Variants in TMEM232 observed in about 807,000 individuals in gnomAD.
TMEM232 encodes the protein transmembrane protein 232.
TMEM232 carries 80 observed loss-of-function variants against 78.8 expected under a neutral mutation model. The ratio of observed to expected loss-of-function variants is 1.01; its 90% CI spans 0.85 to 1.22. The LOEUF (loss-of-function observed/expected upper bound fraction) is 1.22. TMEM232 is among the 50% of genes most tolerant of loss of function. The probability of loss-of-function intolerance (pLI) is 0.00; values close to 1 mark genes in which losing one functional copy is unlikely to be tolerated. For synonymous variants in TMEM232, 297 were observed against 254.3 expected, an observed-to-expected ratio of 1.17 and a Z score of -1.60; for missense variants, 881 against 742.2, an observed-to-expected ratio of 1.19 and a Z score of -2.17.
At chr5:110,448,116 G>T (rs575982037) in intron 12 of TMEM232, among the ~76,000 whole-genome samples, 2 of 152,006 alleles carry the variant, frequency 1.3e-5, no homozygotes, top group South Asian at 4.2e-4. Context: ...CAAATATTGG[G>T]ACAGAAAAAT....
At chr5:110,720,857 A>G (rs1797518032) in intron 1 of TMEM232, 1 of 152,168 alleles carries the variant, frequency 6.6e-6, no homozygotes, top group Non-Finnish European at 1.5e-5. Flanking sequence ...TGTCATTTAT[A>G]AAAGTCTTTC....
chr5:110,492,080 T>G (rs1765163020), intron 12 of TMEM232, among the ~76,000 whole-genome samples: 1 of 151,652 alleles, frequency 6.6e-6, no homozygotes, highest in South Asian at 2.1e-4. Flanking sequence ...TACAAAAACC[T>G]TGAGAGAATA....
intron 3 of TMEM232, among the ~76,000 whole-genome samples, chr5:110,397,200 C>T (rs543425586): frequency 6.6e-6 from 1 of 152,252 alleles, no homozygotes; most frequent in South Asian, 2.1e-4. Context: ...CTTAAAGCAC[C>T]TGAGTCAACT....
intron 1 of TMEM232, among the ~76,000 whole-genome samples, chr5:110,707,534 A>G (rs1286678032): frequency 6.6e-6 from 1 of 152,224 alleles, no homozygotes; most frequent in Non-Finnish European, 1.5e-5. Context: ...CCTTGGCACC[A>G]CAGGCCAAAG....
chr5:110,536,648 C>T (rs1265757584), intron 11 of TMEM232, among the ~76,000 whole-genome samples: 2 of 152,148 alleles, frequency 1.3e-5, no homozygotes, highest in Non-Finnish European at 1.5e-5. Context: ...TTCTTCTCTT[C>T]CCCTACTTGA....
At chr5:110,447,391 C>T (rs1421825087) in intron 12 of TMEM232, among the ~76,000 whole-genome samples, 1 of 152,014 alleles carries the variant, frequency 6.6e-6, no homozygotes, top group Non-Finnish European at 1.5e-5. Flanking sequence ...CCTAGCTGCA[C>T]ATCTAAGTAG....
At chr5:110,388,295 C>T (rs534530114) in intron 4 of TMEM232, among the ~76,000 whole-genome samples, 2 of 152,172 alleles carry the variant, frequency 1.3e-5, no homozygotes, top group East Asian at 3.9e-4. Flanking sequence ...CCAGCACCAT[C>T]TTGTCTGTGC....
chr5:110,474,378 G>T (rs1372640243), intron 12 of TMEM232, among the ~76,000 whole-genome samples: 5 of 151,880 alleles, frequency 3.3e-5, no homozygotes, highest in African/African-American at 1.2e-4. Context: ...ATTGTTTAAT[G>T]TATCCCTGTT....
At chr5:110,577,506 C>A (rs1223281192) in intron 10 of TMEM232, among the ~76,000 whole-genome samples, 1 of 152,068 alleles carries the variant, frequency 6.6e-6, no homozygotes, top group Non-Finnish European at 1.5e-5. Flanking sequence ...TTCTACCCAG[C>A]AATCTCATTA....
chr5:110,524,078 T>A (rs548759992), intron 12 of TMEM232, among the ~76,000 whole-genome samples: 3 of 145,364 alleles, frequency 2.1e-5, no homozygotes, highest in African/African-American at 7.6e-5. Context: ...GCCTGACCAA[T>A]ATGGTGAAAC....
chr5:110,738,014 A>G, exon 1 of TMEM232: 1 of 225,448 alleles, frequency 4.4e-6, no homozygotes, highest in Admixed American at 5.4e-5. Flanking sequence ...AAAAAATAAA[A>G]AGTGATAAAA....
chr5:110,496,660 G>T (rs537754017), intron 12 of TMEM232, among the ~76,000 whole-genome samples: 4 of 151,930 alleles, frequency 2.6e-5, no homozygotes, highest in Non-Finnish European at 4.4e-5. Context: ...CTCTTTGTCC[G>T]CAAGGCTCAT....
chr5:110,647,982 T>A (rs982377146), intron 2 of TMEM232, among the ~76,000 whole-genome samples: 3 of 151,966 alleles, frequency 2.0e-5, no homozygotes, highest in Non-Finnish European at 4.4e-5. Flanking sequence ...TTAGAAAGTA[T>A]AAGAGAATGA....
exon 1 of TMEM232, chr5:110,738,076 A>G (rs1799390156): frequency 5.6e-6 from 2 of 356,990 alleles, no homozygotes; most frequent in South Asian, 6.2e-5. Flanking sequence ...ATCACTCTCA[A>G]TCAAGGTTCG....
intron 11 of TMEM232, among the ~76,000 whole-genome samples, chr5:110,550,580 A>G (rs1175653575): frequency 6.6e-6 from 1 of 152,004 alleles, no homozygotes; most frequent in African/African-American, 2.4e-5. Flanking sequence ...AAACCAGAAC[A>G]AATTCTATAT....
chr5:110,601,271 T>TATTCTTCCA, intron 10 of TMEM232, among the ~76,000 whole-genome samples: 1 of 152,288 alleles, frequency 6.6e-6, no homozygotes, highest in South Asian at 2.1e-4. Flanking sequence ...TTACCACTCC[T>TATTCTTCCA]ATTCAACATA....
At chr5:110,717,183 A>ACC (rs200744796) in intron 1 of TMEM232, among the ~76,000 whole-genome samples, 1 of 148,996 alleles carries the variant, frequency 6.7e-6, no homozygotes, top group African/African-American at 2.5e-5. Flanking sequence ...TTGTTACCCC[A>ACC]CCCCCCGCCA....
At chr5:110,436,420 G>A (rs1758441790) in intron 12 of TMEM232, among the ~76,000 whole-genome samples, 1 of 151,748 alleles carries the variant, frequency 6.6e-6, no homozygotes, top group South Asian at 2.1e-4. Flanking sequence ...TCTTCACTTT[G>A]TTGACTGCTT....
chr5:110,585,003 C>T (rs1322287996), intron 10 of TMEM232, among the ~76,000 whole-genome samples: 2 of 152,012 alleles, frequency 1.3e-5, no homozygotes, highest in South Asian at 2.1e-4. Flanking sequence ...GGTCTTTTCC[C>T]TCTGTGTTCA....
Sources: allele counts gnomAD v4.1 joint callset (sites outside exome capture counted in the v4.1 genomes callset), GRCh38; gene constraint gnomAD v4.1.1; transcripts MANE v1.5; gene names NCBI Gene and HGNC (gene_info 2026-07-23, HGNC 2026-07-21).